The following QTMAN variants were observed in gnomAD, a reference collection of about 807,000 sequenced individuals.
The protein encoded by QTMAN is queuosine-tRNA mannosyltransferase, also known as tRNA-queuosine alpha-mannosyltransferase.
chr2:144,263,514 G>T, the QTMAN span, among the ~76,000 whole-genome samples: 2 of 152,144 alleles, frequency 1.3e-5, no homozygotes, highest in African/African-American at 4.8e-5. Context: ...CTGAGGTCTG[G>T]AGTTCAAGAC....
At chr2:143,938,382 C>T in the QTMAN span, 1 of 152,218 alleles carries the variant, frequency 6.6e-6, no homozygotes, top group Non-Finnish European at 1.5e-5. Flanking sequence ...AGTCCACCCG[C>T]GGACCATTAA....
At chr2:144,282,979 C>A in the QTMAN span, among the ~76,000 whole-genome samples, 1 of 152,152 alleles carries the variant, frequency 6.6e-6, no homozygotes, top group Non-Finnish European at 1.5e-5. Context: ...AGTGGCACAC[C>A]CCCAGTCCAG....
At chr2:144,008,634 A>G in the QTMAN span, among the ~76,000 whole-genome samples, 1 of 152,030 alleles carries the variant, frequency 6.6e-6, no homozygotes. Context: ...GTAGGGGAAG[A>G]AATGGGTTTC....
chr2:144,026,853 G>A, the QTMAN span, among the ~76,000 whole-genome samples: 11 of 152,102 alleles, frequency 7.2e-5, no homozygotes, highest in African/African-American at 2.2e-4. Context: ...ATTTCCAAGC[G>A]GCAAGTGATG....
chr2:144,182,430 C>T, the QTMAN span, among the ~76,000 whole-genome samples: 1 of 151,758 alleles, frequency 6.6e-6, no homozygotes, highest in African/African-American at 2.4e-5. Flanking sequence ...CATCTGAGGT[C>T]AAGAGTACAA....
At chr2:143,952,919 G>T in the QTMAN span, 2 of 888,370 alleles carry the variant, frequency 2.3e-6, no homozygotes, top group Non-Finnish European at 1.9e-6. Flanking sequence ...GGTTTTGTTT[G>T]CCTAAGTTAA....
the QTMAN span, among the ~76,000 whole-genome samples, chr2:144,005,377 C>T: frequency 6.6e-6 from 1 of 152,020 alleles, no homozygotes; most frequent in Admixed American, 6.6e-5. Flanking sequence ...AGGCGGGAAC[C>T]TGCGGATGAT....
At chr2:144,057,794 A>G in the QTMAN span, among the ~76,000 whole-genome samples, 7 of 152,208 alleles carry the variant, frequency 4.6e-5, no homozygotes, top group Admixed American at 1.3e-4. Context: ...TGGAAACATT[A>G]TCCACGGACC....
the QTMAN span, among the ~76,000 whole-genome samples, chr2:144,148,557 T>C: frequency 6.6e-6 from 1 of 151,892 alleles, no homozygotes; most frequent in East Asian, 1.9e-4. Flanking sequence ...AAACCCATCA[T>C]ATCTGTATTT....
At chr2:144,234,262 G>C in the QTMAN span, among the ~76,000 whole-genome samples, 1 of 152,122 alleles carries the variant, frequency 6.6e-6, no homozygotes, top group Non-Finnish European at 1.5e-5. Flanking sequence ...ATTCAATTCT[G>C]TACTAGAAGT....
At chr2:144,285,108 A>C in the QTMAN span, among the ~76,000 whole-genome samples, 1 of 151,998 alleles carries the variant, frequency 6.6e-6, no homozygotes, top group Admixed American at 6.6e-5. Flanking sequence ...CTGTCTCAAA[A>C]AATAAAGAAA....
chr2:144,099,546 C>T, the QTMAN span, among the ~76,000 whole-genome samples: 2 of 152,164 alleles, frequency 1.3e-5, no homozygotes, highest in African/African-American at 2.4e-5. Flanking sequence ...CTACTGATAA[C>T]GCACTGGACA....
chr2:143,969,817 G>T, the QTMAN span, among the ~76,000 whole-genome samples: 2 of 152,172 alleles, frequency 1.3e-5, no homozygotes, highest in Non-Finnish European at 2.9e-5. Flanking sequence ...ATGAGACAAG[G>T]CTACTGAGAT....
the QTMAN span, among the ~76,000 whole-genome samples, chr2:144,087,642 A>G: frequency 6.6e-6 from 1 of 152,056 alleles, no homozygotes; most frequent in Non-Finnish European, 1.5e-5. Flanking sequence ...TACAATCAAG[A>G]AGGATTTATA....
the QTMAN span, among the ~76,000 whole-genome samples, chr2:143,948,443 T>G: frequency 6.6e-6 from 1 of 152,146 alleles, no homozygotes; most frequent in African/African-American, 2.4e-5. Context: ...CTCTCTCTCT[T>G]TTTAAACCAG....
the QTMAN span, among the ~76,000 whole-genome samples, chr2:143,986,996 G>A: frequency 2.6e-4 from 40 of 152,276 alleles, no homozygotes; most frequent in South Asian, 1.0e-3. Flanking sequence ...ACCAAAAAGA[G>A]GGTAAATAAT....
At chr2:144,149,724 C>T in the QTMAN span, among the ~76,000 whole-genome samples, 43 of 152,154 alleles carry the variant, frequency 2.8e-4, no homozygotes, top group African/African-American at 1.0e-3. Flanking sequence ...GTTTCCAATA[C>T]ACATTGTATC....
chr2:143,941,550 C>T, the QTMAN span: 2 of 151,976 alleles, frequency 1.3e-5, no homozygotes, highest in African/African-American at 4.8e-5. Context: ...TGGTGGGCAC[C>T]TGTAGTCCCA....
At chr2:144,016,099 A>G in the QTMAN span, among the ~76,000 whole-genome samples, 1 of 152,162 alleles carries the variant, frequency 6.6e-6, no homozygotes, top group South Asian at 2.1e-4. Context: ...GTGTTGACTC[A>G]GTTAGCAAAT....
Sources: gnomAD v4.1 joint callset for allele counts (sites outside exome capture counted in the v4.1 genomes callset) on GRCh38, gnomAD v4.1.1 for gene constraint, MANE v1.5 for transcripts, NCBI Gene and HGNC (gene_info 2026-07-23, HGNC 2026-07-21) for gene names.